NPHP4: variants seen among roughly 807,000 people sequenced by gnomAD.
NPHP4 encodes nephrocystin 4.
In NPHP4, 151 loss-of-function variants were observed where a neutral mutation model predicts 155.8. The ratio of observed to expected loss-of-function variants is 0.97; its 90% CI spans 0.85 to 1.11. The LOEUF is 1.11. NPHP4 is among the 50% of genes least tolerant of loss of function. The pLI, the probability that NPHP4 is intolerant of heterozygous loss-of-function variation, is 0.00. For synonymous variants in NPHP4, 845 were observed against 816.8 expected (o/e 1.03, Z -0.59); for missense variants, 1,956 against 1,925.7 (o/e 1.02, Z -0.29).
At chr1:5,960,474 T>C (rs1323763606) in intron 6 of NPHP4, among the ~76,000 whole-genome samples, 1 of 152,030 alleles carries the variant, frequency 6.6e-6, no homozygotes, top group East Asian at 1.9e-4. Context: ...GCTGCATCCT[T>C]TTCTTCAGGG....
chr1:5,896,813 A>C (rs1644416780), intron 16 of NPHP4, among the ~76,000 whole-genome samples: 1 of 152,176 alleles, frequency 6.6e-6, no homozygotes, highest in African/African-American at 2.4e-5. Context: ...AGAGCACAAG[A>C]TGAGCCTGGA....
At chr1:5,946,779 A>G (rs1647123144) in intron 9 of NPHP4, among the ~76,000 whole-genome samples, 1 of 152,200 alleles carries the variant, frequency 6.6e-6, no homozygotes, top group Non-Finnish European at 1.5e-5. Flanking sequence ...AATTATGCCT[A>G]CGTAATAAAG....
intron 10 of NPHP4, 92 bp downstream of exon 10, chr1:5,933,055 T>G: frequency 9.7e-7 from 1 of 1,034,098 alleles, no homozygotes; most frequent in South Asian, 1.9e-5. Flanking sequence ...AAATGAAACA[T>G]CTGCAAACAT....
At chr1:5,991,243 GA>G (rs1656230260) in intron 1 of NPHP4, among the ~76,000 whole-genome samples, 8 of 151,802 alleles carry the variant, frequency 5.3e-5, no homozygotes, top group Admixed American at 5.3e-4. Context: ...GCGCCCGGGA[GA>G]AACGGTCTTG....
intron 23 of NPHP4, among the ~76,000 whole-genome samples, chr1:5,872,334 T>C (rs2100579498): frequency 6.6e-6 from 1 of 152,350 alleles, no homozygotes; most frequent in Middle Eastern, 3.4e-3. Flanking sequence ...TGTCCCTCTG[T>C]CTACGGTCAT....
intron 6 of NPHP4, among the ~76,000 whole-genome samples, chr1:5,953,687 G>T (rs1473630369): frequency 1.3e-5 from 2 of 152,214 alleles, no homozygotes; most frequent in Non-Finnish European, 2.9e-5. Context: ...CCAGCTCACG[G>T]TCTCGTGCAA....
chr1:5,912,537 CAAAA>C (rs752371714), intron 11 of NPHP4, among the ~76,000 whole-genome samples: 2 of 77,898 alleles, frequency 2.6e-5, no homozygotes, highest in Non-Finnish European at 2.9e-5. Flanking sequence ...GACTCCGTCT[CAAAA>C]AAAAAAAAAA....
intron 9 of NPHP4, among the ~76,000 whole-genome samples, chr1:5,942,975 T>C (rs1015453575): frequency 2.0e-5 from 3 of 152,308 alleles, no homozygotes; most frequent in African/African-American, 2.4e-5. Flanking sequence ...TTCATGCTCA[T>C]GTTACAGGGA....
At chr1:5,887,491 G>C in intron 17 of NPHP4, 25 bp from the exon 18 acceptor site, 1 of 1,610,178 alleles carries the variant, frequency 6.2e-7, no homozygotes, top group Non-Finnish European at 8.5e-7. Flanking sequence ...AGCGCGTTCA[G>C]AGGCTGGAGC....
intron 3 of NPHP4, among the ~76,000 whole-genome samples, chr1:5,975,995 G>C (rs1336274090): frequency 3.3e-5 from 5 of 152,224 alleles, no homozygotes; most frequent in African/African-American, 1.2e-4. Context: ...TGAAGTCAGA[G>C]GGGTTGAGGG....
At chr1:5,978,622 T>G (rs1398790966) in intron 2 of NPHP4, among the ~76,000 whole-genome samples, 1 of 152,068 alleles carries the variant, frequency 6.6e-6, no homozygotes, top group African/African-American at 2.4e-5. Context: ...AACGAAAGAC[T>G]GCAGTCCCTT....
intron 9 of NPHP4, among the ~76,000 whole-genome samples, chr1:5,946,797 C>T (rs1223281458): frequency 6.6e-6 from 1 of 152,190 alleles, no homozygotes; most frequent in Non-Finnish European, 1.5e-5. Flanking sequence ...AAGTTTTCAT[C>T]AAAACCCAAA....
At chr1:5,977,311 C>A (rs1653787348) in intron 3 of NPHP4, among the ~76,000 whole-genome samples, 1 of 152,074 alleles carries the variant, frequency 6.6e-6, no homozygotes, top group Non-Finnish European at 1.5e-5. Context: ...CTCGTCCTAA[C>A]ACCCCTGGGT....
chr1:5,907,170 A>G lies in NPHP4; in HGVS notation c.1556T>C (p.Leu519Ser). The change falls in exon 13 of 30, where the codon TTG becomes TCG. Residue 519 changes from leucine to serine, a missense_variant. Leu to Ser is a moderately radical substitution (Grantham distance 145, BLOSUM62 -2). Coordinates refer to ENST00000378156, the MANE Select transcript of NPHP4 (RefSeq NM_015102.5). ...GGGTAGCTGTGAAGTAGGCCTGGCC[A>G]AGCAGTGCTGAGTCGGGGACCGCGG... Reference protein sequence around the residue: ...ASPRSPTQHCLARPTSQLPHG... With the variant: ...ASPRSPTQHCSARPTSQLPHG... 2 of 1,590,368 alleles carry G rather than the reference A, an allele frequency of 1.3e-6. No homozygotes were observed. Among genetic ancestry groups the G allele is most frequent in the Non-Finnish European group, 1.7e-6 (2 of 1,167,944 alleles).
intron 9 of NPHP4, among the ~76,000 whole-genome samples, chr1:5,934,334 G>A (rs370351052): frequency 3.3e-5 from 5 of 152,200 alleles, no homozygotes; most frequent in East Asian, 1.9e-4. Context: ...GATCACAGCT[G>A]CACTGATCAG....
At chr1:5,897,394 G>A (rs779828788) in intron 16 of NPHP4, among the ~76,000 whole-genome samples, 8 of 152,154 alleles carry the variant, frequency 5.3e-5, no homozygotes, top group Non-Finnish European at 8.8e-5. Flanking sequence ...CCAAGCAACC[G>A]AATCAGCGTC....
At position 5,866,418 on chromosome 1, in the gene NPHP4, C is replaced by G. The variant is rs1342500117; in HGVS notation, c.3599G>C (p.Ser1200Thr). 4.4e-6 allele frequency: 7 copies of G among 1,608,826 alleles called. No homozygotes were observed. In the South Asian group the frequency reaches 7.8e-5, roughly 18 times the overall value. ...EPRDIFLKVA[S>T]GPSPEIKDFF... ...GTCTTTGATCTCCGGGCTTGGACCACTGGCCACCTTCAGAAATATGTCCCG... is the reference window on the plus strand; with the variant it reads ...GTCTTTGATCTCCGGGCTTGGACCAGTGGCCACCTTCAGAAATATGTCCCG... Residue 1200 changes from serine to threonine, a missense_variant, in exon 26 of 30, where the codon AGT becomes ACT. Coordinates refer to ENST00000378156, the MANE Select transcript of NPHP4 (RefSeq NM_015102.5).
intron 20 of NPHP4, among the ~76,000 whole-genome samples, chr1:5,875,668 G>A (rs1642518859): frequency 6.6e-6 from 1 of 152,250 alleles, no homozygotes; most frequent in Non-Finnish European, 1.5e-5. Flanking sequence ...GGTTCTACAG[G>A]TTGGAGACTG....
rs1432645499 is a variant in NPHP4, at chr1:5,867,942, G to A, written c.3316-46C>T. 3.1e-6 allele frequency: 5 copies of A among 1,607,272 alleles called. No homozygotes were observed. Among genetic ancestry groups the A allele is most frequent in the Non-Finnish European group, 4.3e-6 (5 of 1,173,932 alleles). On this transcript the variant is annotated intron_variant, in intron 23 of 29. Transcript: ENST00000378156. This position sits in a 1 kb window ranked among gnomAD's most constrained non-coding sequence, Gnocchi z 4.1. The stretch of plus-strand genomic sequence containing the variant: ...GTGTTGGGATGGGCACGAGGCTTGT[G>A]AGCAGCTTCTTGTCCCTCCTTAGAC...
Sources: allele counts gnomAD v4.1 joint callset (sites outside exome capture counted in the v4.1 genomes callset), GRCh38; gene constraint gnomAD v4.1.1; non-coding constraint Gnocchi (gnomAD v3.1); transcripts MANE v1.5; gene names NCBI Gene and HGNC (gene_info 2026-07-23, HGNC 2026-07-21).